The following CDYL variants were observed in gnomAD, a reference collection of about 807,000 sequenced individuals.
CDYL encodes chromodomain Y like.
In CDYL, 8 loss-of-function variants were observed where a neutral mutation model predicts 47.3. That is an observed-to-expected ratio of 0.17 (90% CI 0.10 to 0.31). CDYL has a LOEUF of 0.31. Among genes scored for constraint, CDYL ranks in the 10% least tolerant of loss-of-function variants. The pLI is 1.00. For synonymous variants in CDYL, 266 were observed against 265.0 expected (o/e 1.00, Z -0.04); for missense variants, 471 against 701.4 (o/e 0.67, Z 3.71).
chr6:4,836,908 T>G (rs144381124), intron 1 of CDYL, among the ~76,000 whole-genome samples: 18 of 152,252 alleles, frequency 1.2e-4, no homozygotes, highest in African/African-American at 4.3e-4. Flanking sequence ...AAAATGGAAT[T>G]ATGTGAGTGC....
chr6:4,925,563 C>G (rs1757847257), intron 2 of CDYL, among the ~76,000 whole-genome samples: 1 of 151,836 alleles, frequency 6.6e-6, no homozygotes. Flanking sequence ...CTACAGGCAC[C>G]CGCCACCACA....
At chr6:4,715,956 ATGATT>A in intron 2 of CDYL, 1 of 1,548,700 alleles carries the variant, frequency 6.5e-7, no homozygotes, top group Non-Finnish European at 8.7e-7. Context: ...TTATTTAAAA[ATGATT>A]TTACTGGCCG....
intron 5 of CDYL, among the ~76,000 whole-genome samples, chr6:4,944,708 A>G (rs73352350): frequency 0.013 from 2,051 of 152,374 alleles, 49 homozygotes; most frequent in African/African-American, 0.047. Context: ...CTTGCAGGCC[A>G]GAACCTGAAA....
chr6:4,758,968 C>CTTTTTTTTTT (rs753662724), intron 3 of CDYL, among the ~76,000 whole-genome samples: 1 of 131,920 alleles, frequency 7.6e-6, no homozygotes, highest in African/African-American at 2.9e-5. Context: ...TTTTCTTTTT[C>CTTTTTTTTTT]TTTTTTTTTT....
At chr6:4,786,050 A>ATT in intron 1 of CDYL, among the ~76,000 whole-genome samples, 1 of 152,362 alleles carries the variant, frequency 6.6e-6, no homozygotes, top group East Asian at 1.9e-4. Context: ...AAGCGAAAAA[A>ATT]TTAAGTCTAC....
At chr6:4,873,734 T>C (rs1581227455) in intron 1 of CDYL, among the ~76,000 whole-genome samples, 1 of 152,250 alleles carries the variant, frequency 6.6e-6, no homozygotes, top group East Asian at 1.9e-4. Context: ...TCTGTCATTA[T>C]TGAAGAAATT....
chr6:4,913,070 G>A (rs1019832517), intron 2 of CDYL, among the ~76,000 whole-genome samples: 1 of 152,210 alleles, frequency 6.6e-6, no homozygotes, highest in Admixed American at 6.5e-5. Context: ...AGGCCAGGCT[G>A]TTAATGCTGG....
At chr6:4,944,565 A>T (rs1176407083) in intron 5 of CDYL, among the ~76,000 whole-genome samples, 1 of 152,214 alleles carries the variant, frequency 6.6e-6, no homozygotes, top group African/African-American at 2.4e-5. Context: ...ATGGCAGCAC[A>T]GTTCCATGTC....
At chr6:4,712,311 T>A (rs983089865) in intron 1 of CDYL, among the ~76,000 whole-genome samples, 1 of 152,138 alleles carries the variant, frequency 6.6e-6, no homozygotes, top group African/African-American at 2.4e-5. Context: ...TTAAAGTGAT[T>A]TCCATCCCCA....
chr6:4,742,003 A>G (rs1757804659), intron 3 of CDYL, among the ~76,000 whole-genome samples: 2 of 152,182 alleles, frequency 1.3e-5, no homozygotes, highest in Non-Finnish European at 2.9e-5. Flanking sequence ...ATCTACATTT[A>G]CATGCAATAT....
At chr6:4,758,650 G>T (rs1054865751) in intron 3 of CDYL, among the ~76,000 whole-genome samples, 3 of 151,852 alleles carry the variant, frequency 2.0e-5, no homozygotes, top group African/African-American at 7.3e-5. Context: ...GCAACAGAGA[G>T]AGACTCTGTC....
chr6:4,864,060 T>C (rs147176022), intron 1 of CDYL, among the ~76,000 whole-genome samples: 49 of 152,182 alleles, frequency 3.2e-4, no homozygotes, highest in Non-Finnish European at 6.2e-4. Flanking sequence ...GGGTCTGTAA[T>C]GACACTGACT....
At chr6:4,953,233 A>C (rs946122097) in intron 6 of CDYL, among the ~76,000 whole-genome samples, 1 of 151,816 alleles carries the variant, frequency 6.6e-6, no homozygotes, top group African/African-American at 2.4e-5. Flanking sequence ...AAAATCCAAA[A>C]GTTAGCCAGG....
chr6:4,739,702 C>A (rs1343746665), intron 3 of CDYL, among the ~76,000 whole-genome samples: 1 of 151,896 alleles, frequency 6.6e-6, no homozygotes, highest in Non-Finnish European at 1.5e-5. Flanking sequence ...ACCTGTAATC[C>A]CAGAACTTTG....
chr6:4,843,380 G>A (rs568685697), intron 1 of CDYL, among the ~76,000 whole-genome samples: 28 of 152,102 alleles, frequency 1.8e-4, no homozygotes, highest in South Asian at 4.1e-4. Flanking sequence ...TAGCAAGGCC[G>A]GGGAAGTTTT....
chr6:4,919,396 A>G (rs1261740659), intron 2 of CDYL, among the ~76,000 whole-genome samples: 1 of 152,228 alleles, frequency 6.6e-6, no homozygotes, highest in Non-Finnish European at 1.5e-5. Flanking sequence ...ACAATTTATC[A>G]TTGATAATAC....
At chr6:4,894,610 C>T (rs1412146124) in intron 2 of CDYL, among the ~76,000 whole-genome samples, 4 of 152,006 alleles carry the variant, frequency 2.6e-5, no homozygotes, top group South Asian at 2.1e-4. Context: ...CCACCAATCC[C>T]GGCTAATTTT....
chr6:4,773,675 A>G (rs992522834), upstream of CDYL, among the ~76,000 whole-genome samples: 14 of 152,204 alleles, frequency 9.2e-5, no homozygotes, highest in Non-Finnish European at 2.1e-4. This position sits in a 1 kb window ranked among gnomAD's most constrained non-coding sequence, Gnocchi z 4.6. Context: ...AACTTCCTCA[A>G]TTTCTCAGTC....
intron 2 of CDYL, among the ~76,000 whole-genome samples, chr6:4,895,652 G>T (rs191870645): frequency 1.3e-5 from 2 of 151,994 alleles, no homozygotes; most frequent in Admixed American, 1.3e-4. Flanking sequence ...CGCACGTCCA[G>T]TTTTGGTTGG....
Sources: gnomAD v4.1 joint callset for allele counts (sites outside exome capture counted in the v4.1 genomes callset) on GRCh38, gnomAD v4.1.1 for gene constraint, Gnocchi (gnomAD v3.1) non-coding constraint, MANE v1.5 for transcripts, NCBI Gene and HGNC (gene_info 2026-07-23, HGNC 2026-07-21) for gene names.